Variants in TUBD1 observed in about 807,000 individuals in gnomAD.
The protein encoded by TUBD1 is tubulin delta 1.
In TUBD1, 38 loss-of-function variants were observed where a neutral mutation model predicts 51.2. The ratio of observed to expected loss-of-function variants is 0.74; its 90% CI spans 0.57 to 0.97. TUBD1 has a LOEUF of 0.97. Ranked by LOEUF, TUBD1 falls within the 50% of genes least tolerant of loss-of-function variation. The probability of loss-of-function intolerance (pLI) is 0.00; values close to 1 mark genes in which losing one functional copy is unlikely to be tolerated. For synonymous variants in TUBD1, 169 were observed against 178.2 expected (o/e 0.95, Z 0.41); for missense variants, 489 against 538.4 (o/e 0.91, Z 0.91).
chr17:59,878,489 C>CTT (rs71370137), intron 4 of TUBD1, 155 bp from the exon 5 acceptor site: 5,553 of 460,128 alleles, frequency 0.012, no homozygotes, highest in Middle Eastern at 0.018. Context: ...GCTCAGTTTC[C>CTT]TTTTTTTTTT....
At chr17:59,874,494 ATTT>A in intron 6 of TUBD1, 42 bp downstream of exon 6, 1 of 1,590,102 alleles carries the variant, frequency 6.3e-7, no homozygotes, top group Non-Finnish European at 8.5e-7. Context: ...CAGGACAGAC[ATTT>A]TTTCCAGCTT....
At chr17:59,878,560 C>A (rs111516992) in intron 4 of TUBD1, 89 of 420,104 alleles carry the variant, frequency 2.1e-4, no homozygotes, top group African/African-American at 1.7e-3. Flanking sequence ...TCTCTGCTCA[C>A]TGCAACCTCG....
intron 3 of TUBD1, among the ~76,000 whole-genome samples, chr17:59,882,781 ATTTC>A (rs1032051494): frequency 8.6e-5 from 13 of 150,650 alleles, no homozygotes; most frequent in African/African-American, 2.2e-4. Flanking sequence ...TCCCTGGCTA[ATTTC>A]TTTCTTTTTT....
chr17:59,874,605 A>T lies in TUBD1; in HGVS notation c.868T>A (p.Phe290Ile). ...MSENSLAYTT[F>I]TWAGLLKHLR... is the part of the protein sequence containing the mutation. The stretch of plus-strand genomic sequence containing the variant: ...TGCTTGAGGAGGCCAGCCCAAGTAA[A>T]TGTGGTGTATGCCAATGAATTCTCA... Residue 290 changes from phenylalanine (F) to isoleucine (I), a missense_variant, in exon 6 of 9, where the codon TTT becomes ATT. Transcript: ENST00000325752. 6.2e-7 allele frequency: 1 copy of T among 1,613,720 alleles called. No homozygotes were observed. The highest frequency in any genetic ancestry group is 8.5e-7 in the Non-Finnish European group (1 of 1,179,938).
At chr17:59,866,774 A>C (rs1238627362) in intron 6 of TUBD1, 25 bp from the exon 7 acceptor site, 5 of 1,574,738 alleles carry the variant, frequency 3.2e-6, no homozygotes, top group South Asian at 2.4e-5. Context: ...AAAAAGCAAG[A>C]GGTTTTATTT....
At chr17:59,888,957 C>T (rs2040857699) in intron 2 of TUBD1, among the ~76,000 whole-genome samples, 1 of 151,074 alleles carries the variant, frequency 6.6e-6, no homozygotes, top group Non-Finnish European at 1.5e-5. Flanking sequence ...GGTGATTCAC[C>T]CACCTCGGCC....
At chr17:59,876,496 A>G (rs925013543) in intron 5 of TUBD1, among the ~76,000 whole-genome samples, 2 of 151,844 alleles carry the variant, frequency 1.3e-5, no homozygotes, top group African/African-American at 2.4e-5. Flanking sequence ...CTGGGATTAC[A>G]GGCATGTGCC....
intron 6 of TUBD1, among the ~76,000 whole-genome samples, chr17:59,866,976 G>T (rs2039735906): frequency 6.6e-6 from 1 of 152,048 alleles, no homozygotes; most frequent in Non-Finnish European, 1.5e-5. Flanking sequence ...TGTATTTTTA[G>T]TAGAGACGGG....
At position 59,880,937 on chromosome 17, in the gene TUBD1, G is replaced by C; in HGVS notation, c.494C>G (p.Ser165Ter). 1 of 1,614,058 alleles carries C rather than the reference G, an allele frequency of 6.2e-7. No homozygotes were observed. Among genetic ancestry groups the C allele is most frequent in the Non-Finnish European group, 8.5e-7 (1 of 1,180,020 alleles). ...CCAAATAATCTGATTCATTTTCAAT[G>C]AGTTTGAGTACTGATCTTCTAAATT... ...TQNLEDQYSN[S>*]LKMNQIIWPY... Residue 165 changes from serine to a stop codon, truncating the protein, a stop_gained, in exon 4 of 9, where the codon TCA (serine) becomes TGA (stop). Transcript: ENST00000325752. LOFTEE classifies it high-confidence loss of function.
rs774625096 is a variant in TUBD1, at chr17:59,866,729, G to T, written c.955C>A (p.Pro319Thr). ...AGAGGAGGAAGTCCTGATAAAGGAG[G>T]CCATACATGCCTATCAATACCTACC... Reference protein sequence around the residue: ...MEEGIDRHVWPPLSGLPPLSK... With the variant: ...MEEGIDRHVWTPLSGLPPLSK... The change falls in exon 7 of 9, where the codon CCT (proline) becomes ACT (threonine). Residue 319 changes from proline to threonine, a missense_variant. Transcript: ENST00000325752. The T allele has an allele frequency of 1.2e-6, 2 of 1,612,666 alleles. No homozygotes were observed. The highest frequency in any genetic ancestry group is 1.7e-6 in the Non-Finnish European group (2 of 1,179,656).
At chr17:59,869,367 T>C (rs1457085534) in intron 6 of TUBD1, among the ~76,000 whole-genome samples, 2 of 151,744 alleles carry the variant, frequency 1.3e-5, no homozygotes, top group African/African-American at 2.4e-5. Flanking sequence ...TCCCAGCTAT[T>C]TGGGAGGCTG....
intron 6 of TUBD1, among the ~76,000 whole-genome samples, chr17:59,869,851 T>C (rs1292045): frequency 0.53 from 81,205 of 151,848 alleles, 22,381 homozygotes; most frequent in African/African-American, 0.67. Flanking sequence ...TAGTTACACA[T>C]GACAGACTGA....
chr17:59,892,308 G>A (rs1226573380), intron 1 of TUBD1, among the ~76,000 whole-genome samples: 1 of 152,220 alleles, frequency 6.6e-6, no homozygotes, highest in Non-Finnish European at 1.5e-5. Flanking sequence ...TTGGGAGGCC[G>A]AGGCGGGAGG....
intron 6 of TUBD1, among the ~76,000 whole-genome samples, chr17:59,871,571 T>C (rs2039985330): frequency 6.6e-6 from 1 of 152,098 alleles, no homozygotes; most frequent in Non-Finnish European, 1.5e-5. Flanking sequence ...AAAGGTATGG[T>C]CCATCAATAT....
intron 4 of TUBD1, among the ~76,000 whole-genome samples, chr17:59,879,758 C>T (rs1172053094): frequency 7.0e-6 from 1 of 143,620 alleles, no homozygotes; most frequent in Non-Finnish European, 1.5e-5. Context: ...AAAAATTTTT[C>T]TTTTTTTTTT....
intron 7 of TUBD1, 110 bp downstream of exon 7, chr17:59,866,499 G>C: frequency 7.0e-7 from 1 of 1,422,702 alleles, no homozygotes; most frequent in Non-Finnish European, 9.5e-7. Context: ...AAAACACACA[G>C]TTATTACTTT....
intron 3 of TUBD1, chr17:59,885,404 T>A: frequency 9.2e-7 from 1 of 1,085,570 alleles, no homozygotes; most frequent in Non-Finnish European, 1.4e-6. Context: ...TTCGGCTTCA[T>A]GGCTCTCATG....
chr17:59,883,627 A>G (rs972887158), intron 3 of TUBD1, among the ~76,000 whole-genome samples: 1 of 152,084 alleles, frequency 6.6e-6, no homozygotes, highest in South Asian at 2.1e-4. Flanking sequence ...GCTGGTCTCA[A>G]ACTCCTGACC....
chr17:59,881,033 A>C lies in TUBD1; in HGVS notation c.398T>G (p.Phe133Cys), dbSNP rs2040462009. 6.2e-7 allele frequency: 1 copy of C among 1,614,148 alleles called. No individual in the cohort carries two copies. The stretch of plus-strand genomic sequence containing the variant: ...ACTCATTATGATGAAAAAACCACTG[A>C]AAGAGTCACATTTCTCCACTTCCTT... ...IRKEVEKCDS[F>C]SGFFIIMSMA... is the part of the protein sequence containing the mutation. Residue 133 changes from phenylalanine to cysteine, a missense_variant, in exon 4 of 9, where the codon TTC becomes TGC. Coordinates refer to ENST00000325752, the MANE Select transcript of TUBD1 (RefSeq NM_016261.4).
Sources: gnomAD v4.1 joint callset for allele counts (sites outside exome capture counted in the v4.1 genomes callset) on GRCh38, gnomAD v4.1.1 for gene constraint, MANE v1.5 for transcripts, NCBI Gene and HGNC (gene_info 2026-07-23, HGNC 2026-07-21) for gene names.